The following ADAMTSL3 variants were observed in gnomAD, a reference collection of about 807,000 sequenced individuals.
ADAMTSL3 encodes ADAMTS-like protein 3.
A neutral mutation model predicts 201.7 loss-of-function variants in ADAMTSL3; 128 were observed. The ratio of observed to expected loss-of-function variants is 0.63; its 90% CI spans 0.55 to 0.73. ADAMTSL3 has a LOEUF of 0.73. Among genes scored for constraint, ADAMTSL3 ranks in the 30% least tolerant of loss-of-function variants. ADAMTSL3 has a pLI of 0.00. For synonymous variants in ADAMTSL3, 738 were observed against 748.4 expected, an observed-to-expected ratio of 0.99 and a Z score of 0.23; for missense variants, 1,990 against 2,119.6, an observed-to-expected ratio of 0.94 and a Z score of 1.20.
At chr15:83,850,800 C>T (rs2064596713) in intron 7 of ADAMTSL3, among the ~76,000 whole-genome samples, 1 of 152,198 alleles carries the variant, frequency 6.6e-6, no homozygotes, top group Non-Finnish European at 1.5e-5. Flanking sequence ...TTAAAATCCT[C>T]TGCCTCACAG....
chr15:83,760,165 A>G (rs903973624), intron 3 of ADAMTSL3, among the ~76,000 whole-genome samples: 1 of 152,078 alleles, frequency 6.6e-6, no homozygotes, highest in African/African-American at 2.4e-5. Context: ...TTCTTTTCAA[A>G]TATGTGCATT....
intron 23 of ADAMTSL3, among the ~76,000 whole-genome samples, chr15:83,994,571 T>G (rs2135879): frequency 2.7e-5 from 4 of 146,212 alleles, no homozygotes; most frequent in Middle Eastern, 3.4e-3. Flanking sequence ...TTTGTTTCTG[T>G]TTTTTTGTTT....
At chr15:83,660,107 A>G (rs1191172759) in intron 2 of ADAMTSL3, among the ~76,000 whole-genome samples, 1 of 152,172 alleles carries the variant, frequency 6.6e-6, no homozygotes, top group African/African-American at 2.4e-5. Flanking sequence ...CCACCAACAC[A>G]GGCATCCTCT....
chr15:83,831,062 C>G (rs958362884), intron 6 of ADAMTSL3, among the ~76,000 whole-genome samples: 4 of 152,130 alleles, frequency 2.6e-5, no homozygotes. Flanking sequence ...ACAAAGGGGA[C>G]AGATTTTTGT....
intron 4 of ADAMTSL3, among the ~76,000 whole-genome samples, chr15:83,794,000 G>T (rs980068898): frequency 2.6e-5 from 4 of 151,932 alleles, no homozygotes; most frequent in African/African-American, 9.7e-5. Flanking sequence ...AATGAACAAA[G>T]GACACGAATG....
intron 23 of ADAMTSL3, among the ~76,000 whole-genome samples, chr15:84,008,759 G>A (rs1314300001): frequency 3.3e-5 from 5 of 152,042 alleles, no homozygotes; most frequent in African/African-American, 9.7e-5. Flanking sequence ...GCATCTCTCC[G>A]TGGATATGTA....
At chr15:83,662,575 AAAAAAAAG>A (rs2061188155) in intron 2 of ADAMTSL3, among the ~76,000 whole-genome samples, 2 of 139,408 alleles carry the variant, frequency 1.4e-5, no homozygotes, top group Non-Finnish European at 3.1e-5. Flanking sequence ...TATAATAAAA[AAAAAAAAG>A]AAAAAAAAGA....
At chr15:84,006,214 G>T (rs1363455065) in intron 23 of ADAMTSL3, among the ~76,000 whole-genome samples, 1 of 152,088 alleles carries the variant, frequency 6.6e-6, no homozygotes, top group Non-Finnish European at 1.5e-5. Flanking sequence ...TGTCTATCCT[G>T]TGTTTGATTT....
intron 19 of ADAMTSL3, among the ~76,000 whole-genome samples, chr15:83,957,436 G>A (rs1421087606): frequency 6.6e-6 from 1 of 152,178 alleles, no homozygotes; most frequent in Non-Finnish European, 1.5e-5. Context: ...GGTATTAGAG[G>A]AAGAAGGAAT....
intron 3 of ADAMTSL3, among the ~76,000 whole-genome samples, chr15:83,769,095 TC>T (rs931675420): frequency 2.0e-5 from 3 of 151,878 alleles, no homozygotes; most frequent in Non-Finnish European, 4.4e-5. Flanking sequence ...GAATCAAGAT[TC>T]TTTTTTTTTT....
At chr15:83,846,484 A>G (rs575754236) in intron 7 of ADAMTSL3, among the ~76,000 whole-genome samples, 1 of 152,344 alleles carries the variant, frequency 6.6e-6, no homozygotes, top group Admixed American at 6.5e-5. Context: ...GAGTGGTGGG[A>G]CAGGGAACAA....
In ADAMTSL3 at chr15:83,800,310, C is replaced by T. The variant is rs1414333326; in HGVS notation, c.318-4340C>T. On this transcript the variant is annotated intron_variant, in intron 4 of 29. Transcript: ENST00000286744. ...CTCTCTTTTTCATATCACCATGCTG[C>T]AATTGTAGTGGGATTTGTAGGAGAG... is the stretch of plus-strand genomic sequence containing the variant. Among the ~76,000 whole-genome samples the T allele has an allele frequency of 2.0e-5, 3 of 152,098 alleles. No homozygotes were observed. In the East Asian group the frequency reaches 5.8e-4, roughly 29 times the overall value.
chr15:83,901,800 GA>G (rs1189999077), intron 15 of ADAMTSL3, among the ~76,000 whole-genome samples: 2 of 151,264 alleles, frequency 1.3e-5, no homozygotes, highest in Non-Finnish European at 2.9e-5. Flanking sequence ...TCCTGTAAGG[GA>G]AGGAGTCTAT....
Position 83,982,338 on chromosome 15 carries a change from G to A in ADAMTSL3, c.2710G>A (p.Val904Ile). The A allele has an allele frequency of 6.2e-7, 1 of 1,613,910 alleles. No homozygotes were observed. The highest frequency in any genetic ancestry group is 8.5e-7 in the Non-Finnish European group (1 of 1,179,974). Reference sequence around the variant, plus strand: ...TCCGCAGATCCTCAGTGTCCAGAGAGTCTACATTCAGACAAGGGAAGAGAA... The same window carrying A: ...TCCGCAGATCCTCAGTGTCCAGAGAATCTACATTCAGACAAGGGAAGAGAA... The part of the protein sequence containing the change: ...QGPQILSVQR[V>I]YIQTREEKRI... The change falls in exon 21 of 30, where the codon GTC (valine) becomes ATC (isoleucine). Residue 904 changes from valine (V) to isoleucine (I), a missense_variant. Coordinates refer to ENST00000286744, the MANE Select transcript of ADAMTSL3 (RefSeq NM_207517.3).
In ADAMTSL3 at chr15:83,915,575, G is replaced by A. The variant is rs561131694; in HGVS notation, c.1987+2197G>A. Among the ~76,000 whole-genome samples, 11 of 151,870 alleles carry A rather than the reference G, an allele frequency of 7.2e-5. 1 individual carries two copies. In the South Asian group the frequency reaches 1.5e-3, roughly 20 times the overall value. ...AATTTATGCATTTAAAGTATACAAT[G>A]TAGTGGTTTCTAGTTACAAAGTTGT... On this transcript the variant is annotated intron_variant, in intron 16 of 29. Transcript: ENST00000286744.
chr15:83,764,140 G>A (rs1031349197), intron 3 of ADAMTSL3, among the ~76,000 whole-genome samples: 2 of 152,128 alleles, frequency 1.3e-5, no homozygotes, highest in African/African-American at 4.8e-5. Context: ...TTGCATCTAT[G>A]CTCTCCTCCT....
chr15:83,805,492 G>A (rs997661575), intron 5 of ADAMTSL3, among the ~76,000 whole-genome samples: 2 of 151,734 alleles, frequency 1.3e-5, no homozygotes, highest in African/African-American at 4.8e-5. Flanking sequence ...AGGAGGTGAA[G>A]CTTGCAGTGA....
chr15:84,030,419 C>CT (rs1187229823), intron 27 of ADAMTSL3, among the ~76,000 whole-genome samples: 1 of 152,180 alleles, frequency 6.6e-6, no homozygotes, highest in African/African-American at 2.4e-5. Context: ...CATATCGGAA[C>CT]TTTAAGATTT....
chr15:83,692,411 C>T (rs2061622617), intron 2 of ADAMTSL3, among the ~76,000 whole-genome samples: 1 of 151,996 alleles, frequency 6.6e-6, no homozygotes, highest in Non-Finnish European at 1.5e-5. Context: ...TGAGGCTGGG[C>T]ACGGTGGCTC....
Sources: gnomAD v4.1 joint callset for allele counts (sites outside exome capture counted in the v4.1 genomes callset) on GRCh38, gnomAD v4.1.1 for gene constraint, MANE v1.5 for transcripts, NCBI Gene and HGNC (gene_info 2026-07-23, HGNC 2026-07-21) for gene names.